The following MIR2052HG variants were observed in gnomAD, a reference collection of about 807,000 sequenced individuals.
The protein encoded by MIR2052HG is MIR2052 host gene.
chr8:74,715,829 A>T (rs1194669293), intron 4 of MIR2052HG, among the ~76,000 whole-genome samples: 1 of 152,224 alleles, frequency 6.6e-6, no homozygotes, highest in Admixed American at 6.5e-5. Flanking sequence ...GTAAGTAACA[A>T]TTAAAGCCTC....
At chr8:74,735,503 C>T (rs770925770) in intron 4 of MIR2052HG, among the ~76,000 whole-genome samples, 6 of 152,096 alleles carry the variant, frequency 3.9e-5, no homozygotes, top group African/African-American at 1.2e-4. Context: ...ATGTGCTCCC[C>T]GGGCTCCATG....
intron 2 of MIR2052HG, among the ~76,000 whole-genome samples, chr8:74,630,540 A>AAG (rs935507522): frequency 1.3e-5 from 2 of 151,896 alleles, no homozygotes; most frequent in Non-Finnish European, 2.9e-5. Flanking sequence ...AAAAAAAAAA[A>AAG]AAAAGAAAAA....
chr8:74,744,301 T>TG (rs75554600), intron 4 of MIR2052HG, among the ~76,000 whole-genome samples: 35,336 of 151,374 alleles, frequency 0.23, 5,294 homozygotes, highest in East Asian at 0.63. Flanking sequence ...TTTTTAGAGA[T>TG]GGGGTCTCAC....
chr8:74,707,682 G>A (rs1208573032), intron 4 of MIR2052HG, among the ~76,000 whole-genome samples: 1 of 152,034 alleles, frequency 6.6e-6, no homozygotes, highest in African/African-American at 2.4e-5. Flanking sequence ...TTATGTATGA[G>A]ACATTGTCTG....
intron 2 of MIR2052HG, among the ~76,000 whole-genome samples, chr8:74,635,998 T>C (rs993549466): frequency 6.6e-6 from 1 of 152,178 alleles, no homozygotes; most frequent in Admixed American, 6.6e-5. Context: ...CATCATTTCT[T>C]TCCTTATCTC....
intron 2 of MIR2052HG, among the ~76,000 whole-genome samples, chr8:74,667,906 G>A (rs544714781): frequency 1.5e-4 from 23 of 152,074 alleles, no homozygotes; most frequent in African/African-American, 5.3e-4. Flanking sequence ...GGTTTATTTT[G>A]TGATTGGTAT....
At chr8:74,706,685 A>T (rs993298280) in intron 4 of MIR2052HG, among the ~76,000 whole-genome samples, 6 of 152,262 alleles carry the variant, frequency 3.9e-5, no homozygotes, top group African/African-American at 1.4e-4. Context: ...CTTCTTAAAG[A>T]TGTGCAGACA....
chr8:74,739,703 G>A (rs1809806449), intron 4 of MIR2052HG, among the ~76,000 whole-genome samples: 1 of 152,184 alleles, frequency 6.6e-6, no homozygotes, highest in African/African-American at 2.4e-5. Context: ...GGGTTATCTT[G>A]TGGGATGTGG....
At chr8:74,737,215 A>C (rs1053147312) in intron 4 of MIR2052HG, among the ~76,000 whole-genome samples, 2 of 152,154 alleles carry the variant, frequency 1.3e-5, no homozygotes, top group African/African-American at 4.8e-5. Context: ...GACCTCTGTA[A>C]CCTCACTTCA....
At chr8:74,682,229 C>G (rs1223676032) in intron 2 of MIR2052HG, among the ~76,000 whole-genome samples, 1 of 151,946 alleles carries the variant, frequency 6.6e-6, no homozygotes, top group Non-Finnish European at 1.5e-5. Flanking sequence ...GGGTGACTAC[C>G]TTAATGAGTT....
chr8:74,660,983 T>A (rs1808858411), intron 2 of MIR2052HG, among the ~76,000 whole-genome samples: 2 of 152,182 alleles, frequency 1.3e-5, no homozygotes, highest in South Asian at 4.1e-4. Context: ...ATAATAATTT[T>A]AAATAATATA....
intron 2 of MIR2052HG, among the ~76,000 whole-genome samples, chr8:74,673,616 G>T (rs78298293): frequency 1.3e-4 from 20 of 151,766 alleles, no homozygotes; most frequent in Non-Finnish European, 2.5e-4. Context: ...ATATATATGT[G>T]GCCAGGACCA....
At chr8:74,754,590 G>A (rs1164311669) in intron 5 of MIR2052HG, among the ~76,000 whole-genome samples, 1 of 152,210 alleles carries the variant, frequency 6.6e-6, no homozygotes, top group Non-Finnish European at 1.5e-5. Flanking sequence ...AATGAATTGT[G>A]GTTGAAGAGA....
chr8:74,724,722 G>T (rs535603978), intron 4 of MIR2052HG, among the ~76,000 whole-genome samples: 2 of 152,298 alleles, frequency 1.3e-5, no homozygotes, highest in African/African-American at 2.4e-5. Flanking sequence ...TTCTGCCTTT[G>T]TGAGTTCTTG....
intron 4 of MIR2052HG, among the ~76,000 whole-genome samples, chr8:74,731,382 G>C (rs1809690967): frequency 1.3e-5 from 2 of 152,108 alleles, no homozygotes; most frequent in Non-Finnish European, 2.9e-5. Flanking sequence ...CTTATTCTGG[G>C]TATGGATTTG....
chr8:74,620,553 A>G (rs1225095838), intron 2 of MIR2052HG, among the ~76,000 whole-genome samples: 1 of 152,252 alleles, frequency 6.6e-6, no homozygotes, highest in Non-Finnish European at 1.5e-5. Flanking sequence ...CACAGGCCCA[A>G]CACCATGTGT....
intron 2 of MIR2052HG, among the ~76,000 whole-genome samples, chr8:74,628,453 C>T (rs1393104084): frequency 1.3e-5 from 2 of 152,092 alleles, no homozygotes; most frequent in African/African-American, 2.4e-5. Context: ...TGTCAGAAGC[C>T]GATAGATGTG....
intron 2 of MIR2052HG, among the ~76,000 whole-genome samples, chr8:74,699,566 C>G (rs953567204): frequency 6.6e-6 from 1 of 151,944 alleles, no homozygotes; most frequent in Non-Finnish European, 1.5e-5. Context: ...TGTCCTCACT[C>G]ACAAGTGGGA....
chr8:74,653,649 A>G (rs1165032657), intron 2 of MIR2052HG, among the ~76,000 whole-genome samples: 1 of 152,204 alleles, frequency 6.6e-6, no homozygotes, highest in Non-Finnish European at 1.5e-5. Context: ...GTTCAAACCA[A>G]TGGGACCACA....
Sources: gnomAD v4.1 joint callset for allele counts (sites outside exome capture counted in the v4.1 genomes callset) on GRCh38, gnomAD v4.1.1 for gene constraint, MANE v1.5 for transcripts, NCBI Gene and HGNC (gene_info 2026-07-23, HGNC 2026-07-21) for gene names.